The following MGAT5B variants were observed in gnomAD, a reference collection of about 807,000 sequenced individuals.
MGAT5B encodes the protein alpha-1,6-mannosylglycoprotein 6-beta-N-acetylglucosaminyltransferase B.
A neutral mutation model predicts 95.1 loss-of-function variants in MGAT5B; 54 were observed. That is an observed-to-expected ratio of 0.57 (90% CI 0.46 to 0.71). The LOEUF is 0.71. Among genes scored for constraint, MGAT5B ranks in the 30% least tolerant of loss-of-function variants. MGAT5B has a pLI of 0.00. For synonymous variants in MGAT5B, 464 were observed against 451.0 expected (o/e 1.03, Z -0.36); for missense variants, 935 against 1,088.6 (o/e 0.86, Z 1.99).
In MGAT5B at chr17:76,949,574, C is replaced by G. The variant is rs1599019011; in HGVS notation, c.*736C>G. Reference sequence around the variant, plus strand: ...CCCAGACCCTGGTTGAATTGTTTCTCTCTCCTGCTTGTTCCAACCCTTTTC... The same window carrying G: ...CCCAGACCCTGGTTGAATTGTTTCTGTCTCCTGCTTGTTCCAACCCTTTTC... On this transcript the variant is annotated 3_prime_UTR_variant, in exon 18 of 18. Transcript: ENST00000569840. The G allele has an allele frequency of 6.6e-6, 1 of 151,030 alleles. No homozygotes were observed. The highest frequency in any genetic ancestry group is 1.9e-4 in the East Asian group (1 of 5,166). The allele number at this position is 151,030 out of a possible 1,614,324, so 9.4% of individuals were successfully genotyped here.
At chr17:76,929,172 A>C (rs1969408377) in intron 10 of MGAT5B, among the ~76,000 whole-genome samples, 1 of 152,144 alleles carries the variant, frequency 6.6e-6, no homozygotes, top group Non-Finnish European at 1.5e-5. Flanking sequence ...AGCCAGGGCA[A>C]CATTTTTATT....
intron 2 of MGAT5B, among the ~76,000 whole-genome samples, chr17:76,874,273 C>T (rs985473539): frequency 2.6e-5 from 4 of 152,172 alleles, no homozygotes; most frequent in East Asian, 1.9e-4. Context: ...ATCTGTCAAA[C>T]GGCGAGCACT....
intron 3 of MGAT5B, among the ~76,000 whole-genome samples, chr17:76,899,520 C>G (rs1018359804): frequency 6.6e-6 from 1 of 152,098 alleles, no homozygotes; most frequent in Non-Finnish European, 1.5e-5. Flanking sequence ...GCCTATTGTC[C>G]CAGCTACTTG....
chr17:76,902,679 C>T lies in MGAT5B; in HGVS notation c.445+9C>T, dbSNP rs765332614. 8.4e-6 allele frequency: 13 copies of T among 1,556,012 alleles called. No individual in the cohort carries two copies. Among genetic ancestry groups the T allele is most frequent in the Non-Finnish European group, 1.0e-5 (12 of 1,147,184 alleles). On this transcript the variant is annotated intron_variant, in intron 4 of 17. Transcript: ENST00000569840. Reference sequence around the variant, plus strand: ...GCTCCTGCACAGCAAGGGTGGGTGCCAGGGGGCGGGGGTACCCTCTACCCC... The same window carrying T: ...GCTCCTGCACAGCAAGGGTGGGTGCTAGGGGGCGGGGGTACCCTCTACCCC...
chr17:76,875,103 A>T (rs1967138962), intron 2 of MGAT5B, among the ~76,000 whole-genome samples: 1 of 152,188 alleles, frequency 6.6e-6, no homozygotes, highest in Non-Finnish European at 1.5e-5. Context: ...GTCATTACTC[A>T]CCCAAGGATA....
intron 8 of MGAT5B, among the ~76,000 whole-genome samples, chr17:76,908,196 T>C (rs572132259): frequency 4.6e-5 from 7 of 152,120 alleles, no homozygotes; most frequent in African/African-American, 1.4e-4. Flanking sequence ...TTTTTCTTTA[T>C]AGTTAGCAAT....
At chr17:76,934,906 A>C (rs1969603370) in intron 12 of MGAT5B, among the ~76,000 whole-genome samples, 1 of 152,138 alleles carries the variant, frequency 6.6e-6, no homozygotes, top group Non-Finnish European at 1.5e-5. Flanking sequence ...ACAGGGGATC[A>C]GGTGGCCGAG....
chr17:76,916,097 C>T lies in MGAT5B; in HGVS notation c.1026-8869C>T, dbSNP rs1409829277. 6.6e-6 allele frequency among the ~76,000 whole-genome samples: 1 copy of T among 152,180 alleles called. No individual in the cohort carries two copies. Among genetic ancestry groups the T allele is most frequent in the Admixed American group, 6.5e-5 (1 of 15,284 alleles). ...TGCTGGGGCCTGGGGCTGCCCTGGC[C>T]CCTGCCCTTCATCCTTCCTCGGGAT... On this transcript the variant is annotated intron_variant, in intron 8 of 17. Transcript: ENST00000569840. This position sits in a 1 kb window ranked among gnomAD's most constrained non-coding sequence, Gnocchi z 5.3.
intron 12 of MGAT5B, 69 bp from the exon 13 acceptor site, chr17:76,937,919 G>A (rs1189336218): frequency 6.4e-7 from 1 of 1,572,976 alleles, no homozygotes; most frequent in African/African-American, 1.4e-5. Context: ...AGACCAAAGG[G>A]ATCTCCTCCA....
At position 76,917,397 on chromosome 17, in the gene MGAT5B, T is replaced by G. The variant is rs1006911226; in HGVS notation, c.1026-7569T>G. 2.6e-5 allele frequency among the ~76,000 whole-genome samples: 4 copies of G among 152,048 alleles called. No homozygotes were observed. Among genetic ancestry groups the G allele is most frequent in the Non-Finnish European group, 4.4e-5 (3 of 68,016 alleles). On this transcript the variant is annotated intron_variant, in intron 8 of 17. Coordinates refer to ENST00000569840, the MANE Select transcript of MGAT5B (RefSeq NM_001199172.2). This position sits in a 1 kb window ranked among gnomAD's most constrained non-coding sequence, Gnocchi z 6.1. ...CCAGTCCAGCATACATTTATCACTT[T>G]GAAGGATCAGCAGTTTGACCGTGGG...
chr17:76,902,737 C>T, intron 4 of MGAT5B, 67 bp downstream of exon 4: 1 of 1,122,546 alleles, frequency 8.9e-7, no homozygotes, highest in Non-Finnish European at 1.3e-6. Context: ...CTGGGTGGGC[C>T]CTGGGAGGGT....
intron 15 of MGAT5B, among the ~76,000 whole-genome samples, chr17:76,942,599 C>G (rs1207609455): frequency 6.6e-6 from 1 of 152,218 alleles, no homozygotes; most frequent in Non-Finnish European, 1.5e-5. Context: ...AGGTATTTGA[C>G]TGGTACCAGC....
At position 76,948,776 on chromosome 17, in the gene MGAT5B, C is replaced by T. The variant is rs1567830904; in HGVS notation, c.2317C>T (p.Arg773Trp). The change falls in exon 18 of 18, where the codon CGG (arginine) becomes TGG (tryptophan). Residue 773 changes from arginine (R) to tryptophan (W), a missense_variant. Arg to Trp is a moderately radical substitution (Grantham distance 101). Coordinates refer to ENST00000569840, the MANE Select transcript of MGAT5B (RefSeq NM_001199172.2). ...CGCCGGCTCCAACACCAAGTACCGC[C>T]GGCTCTGCCCCTGCCGCGACTTCCG... ...SCAGSNTKYRRLCPCRDFRKG... is the reference protein window; with the variant it reads ...SCAGSNTKYRWLCPCRDFRKG... The T allele has an allele frequency of 3.1e-6, 5 of 1,609,436 alleles. No individual in the cohort carries two copies. Among genetic ancestry groups the T allele is most frequent in the East Asian group, 2.2e-5 (1 of 44,714 alleles).
intron 8 of MGAT5B, among the ~76,000 whole-genome samples, chr17:76,921,160 A>G (rs1349651276): frequency 1.3e-5 from 2 of 152,148 alleles, no homozygotes; most frequent in East Asian, 3.9e-4. Flanking sequence ...GACCCAGGGA[A>G]CAGTTTCTGT....
At chr17:76,885,518 T>C (rs1190288362) in intron 3 of MGAT5B, among the ~76,000 whole-genome samples, 2 of 152,192 alleles carry the variant, frequency 1.3e-5, no homozygotes, top group African/African-American at 2.4e-5. Context: ...CCAGTGTTTC[T>C]CTGATTTTTT....
intron 1 of MGAT5B, among the ~76,000 whole-genome samples, chr17:76,872,228 G>C (rs1967035701): frequency 6.6e-6 from 1 of 152,044 alleles, no homozygotes; most frequent in South Asian, 2.1e-4. Flanking sequence ...CTCTGCCCTG[G>C]ACATCTTACC....
At chr17:76,931,144 T>G (rs1969466030) in intron 10 of MGAT5B, among the ~76,000 whole-genome samples, 1 of 152,238 alleles carries the variant, frequency 6.6e-6, no homozygotes, top group Non-Finnish European at 1.5e-5. Context: ...TTGCCCAGGC[T>G]GGAGTGTAGT....
Position 76,868,942 on chromosome 17 carries a change from G to C in MGAT5B, c.-88G>C. On this transcript the variant is annotated 5_prime_UTR_variant, in exon 1 of 18. Transcript: ENST00000569840. This position sits in a 1 kb window ranked among gnomAD's most constrained non-coding sequence, Gnocchi z 6.3. Reference sequence around the variant, plus strand: ...CTCGGACGCGGCTTCGGCCCGCAGAGGGTTCGTGGCCCGGACGCGGCGAGA... The same window carrying C: ...CTCGGACGCGGCTTCGGCCCGCAGACGGTTCGTGGCCCGGACGCGGCGAGA... 3.0e-6 allele frequency: 4 copies of C among 1,349,094 alleles called. No homozygotes were observed. Among genetic ancestry groups the C allele is most frequent in the Non-Finnish European group, 4.2e-6 (4 of 952,208 alleles). The allele number at this position is 1,349,094 out of a possible 1,614,324, so 83.6% of individuals were successfully genotyped here. A position where few individuals can be genotyped will look rare whatever the true frequency, so the allele number is the denominator to read the frequency against.
In MGAT5B at chr17:76,914,936, C is replaced by A. The variant is rs1207601469; in HGVS notation, c.1025+8749C>A. Reference sequence around the variant, plus strand: ...TACAGGCGTGAGCCACTGCCCCCGGCCACGTTTCTTCTTTTTATAAGGACA... The same window carrying A: ...TACAGGCGTGAGCCACTGCCCCCGGACACGTTTCTTCTTTTTATAAGGACA... On this transcript the variant is annotated intron_variant, in intron 8 of 17. Coordinates refer to ENST00000569840, the MANE Select transcript of MGAT5B (RefSeq NM_001199172.2). The surrounding 1 kb of genome is among the most constrained non-coding windows in gnomAD (Gnocchi z 5.1). 6.6e-6 allele frequency among the ~76,000 whole-genome samples: 1 copy of A among 152,238 alleles called. No homozygotes were observed. The highest frequency in any genetic ancestry group is 1.9e-4 in the East Asian group (1 of 5,202).
Sources: gnomAD v4.1 joint callset for allele counts (sites outside exome capture counted in the v4.1 genomes callset) on GRCh38, gnomAD v4.1.1 for gene constraint, Gnocchi (gnomAD v3.1) non-coding constraint, MANE v1.5 for transcripts, NCBI Gene and HGNC (gene_info 2026-07-23, HGNC 2026-07-21) for gene names.